The following CELF4 variants were observed in gnomAD, a reference collection of about 807,000 sequenced individuals.
CELF4 encodes the protein CUGBP Elav-like family member 4, also known as CUG-BP- and ETR-3-like factor 4.
A neutral mutation model predicts 59.9 loss-of-function variants in CELF4; 18 were observed. That is an observed-to-expected ratio of 0.30 (90% CI 0.21 to 0.45). CELF4 has a LOEUF of 0.45. Among genes scored for constraint, CELF4 ranks in the 20% least tolerant of loss-of-function variants. The pLI is 1.00. For missense variants in CELF4, 456 were observed against 689.0 expected (o/e 0.66, Z 3.79); for synonymous variants, 261 against 267.1 (o/e 0.98, Z 0.22).
intron 2 of CELF4, among the ~76,000 whole-genome samples, chr18:37,429,646 C>T (rs1409993606): frequency 2.0e-5 from 3 of 152,282 alleles, no homozygotes; most frequent in African/African-American, 7.2e-5. Context: ...CTAGCAGACA[C>T]AGGCAAGAAC....
intron 2 of CELF4, among the ~76,000 whole-genome samples, chr18:37,461,152 C>A (rs2099792370): frequency 6.6e-6 from 1 of 152,194 alleles, no homozygotes; most frequent in Non-Finnish European, 1.5e-5. Flanking sequence ...TAGTTCACCA[C>A]AGGTGTGGAG....
At chr18:37,564,303 CTG>C (rs1329820104) in intron 1 of CELF4, among the ~76,000 whole-genome samples, 6 of 152,144 alleles carry the variant, frequency 3.9e-5, no homozygotes, top group Admixed American at 2.0e-4. Flanking sequence ...AAGCGGAGCA[CTG>C]GGCTAATTTC....
At chr18:37,267,763 C>T (rs893885989) in intron 8 of CELF4, among the ~76,000 whole-genome samples, 7 of 151,970 alleles carry the variant, frequency 4.6e-5, no homozygotes, top group Non-Finnish European at 7.4e-5. Context: ...GGGCTGGGCA[C>T]GGTGGCTCAT....
intron 2 of CELF4, among the ~76,000 whole-genome samples, chr18:37,346,114 C>A (rs1483570653): frequency 6.6e-6 from 1 of 152,228 alleles, no homozygotes; most frequent in African/African-American, 2.4e-5. Context: ...GAGCAGGGAC[C>A]AGCCTGCAGC....
chr18:37,498,038 T>C (rs2099927177), intron 1 of CELF4, among the ~76,000 whole-genome samples: 1 of 152,098 alleles, frequency 6.6e-6, no homozygotes, highest in Admixed American at 6.5e-5. Context: ...AGAAGGAGGT[T>C]ACTCAACTCT....
chr18:37,529,561 G>C (rs1456261130), intron 1 of CELF4, among the ~76,000 whole-genome samples: 1 of 152,234 alleles, frequency 6.6e-6, no homozygotes, highest in Non-Finnish European at 1.5e-5. Flanking sequence ...CTGGCAGTAG[G>C]AAAGGAAGCT....
At chr18:37,503,343 G>A (rs2099933966) in intron 1 of CELF4, among the ~76,000 whole-genome samples, 1 of 152,168 alleles carries the variant, frequency 6.6e-6, no homozygotes, top group Non-Finnish European at 1.5e-5. Flanking sequence ...CAAGGTTGAG[G>A]GCAGGCTCGG....
Position 37,418,636 on chromosome 18 carries a change from G to A in CELF4, c.369+66889C>T, listed in dbSNP as rs2099548277. On this transcript the variant is annotated intron_variant, in intron 2 of 12. Transcript: ENST00000420428. ...AGTGTGACCTAGGTCAAGTCACTTG[G>A]CCTCGCTTACATTTTCCTCATTTCC... is the stretch of plus-strand genomic sequence containing the variant. 3.3e-5 allele frequency among the ~76,000 whole-genome samples: 5 copies of A among 152,346 alleles called. No homozygotes were observed. In the South Asian group the frequency reaches 1.0e-3, roughly 32 times the overall value.
At chr18:37,389,076 G>A (rs2099129754) in intron 2 of CELF4, among the ~76,000 whole-genome samples, 1 of 152,144 alleles carries the variant, frequency 6.6e-6, no homozygotes, top group Non-Finnish European at 1.5e-5. Flanking sequence ...CCTGATGGTT[G>A]GCTTAAAGTG....
intron 1 of CELF4, among the ~76,000 whole-genome samples, chr18:37,548,706 G>T (rs1412337952): frequency 1.3e-5 from 2 of 152,218 alleles, no homozygotes; most frequent in Non-Finnish European, 2.9e-5. Flanking sequence ...TAAGCAATGG[G>T]TTGAGCAGGT....
chr18:37,427,648 T>C (rs2099622468), intron 2 of CELF4, among the ~76,000 whole-genome samples: 1 of 152,168 alleles, frequency 6.6e-6, no homozygotes, highest in South Asian at 2.1e-4. Flanking sequence ...TGTGGAGACA[T>C]CACTCTCTTT....
intron 2 of CELF4, among the ~76,000 whole-genome samples, chr18:37,406,322 T>G (rs1283711159): frequency 1.3e-5 from 2 of 152,100 alleles, no homozygotes; most frequent in African/African-American, 4.8e-5. Context: ...TCAGTGGGAC[T>G]GCAGAAGAGG....
chr18:37,355,889 T>G (rs1163877688), intron 2 of CELF4, among the ~76,000 whole-genome samples: 1 of 152,140 alleles, frequency 6.6e-6, no homozygotes, highest in African/African-American at 2.4e-5. Context: ...TCAGCAGGCC[T>G]CTGCTAGGGA....
intron 3 of CELF4, among the ~76,000 whole-genome samples, chr18:37,284,028 A>AACAT (rs2094484287): frequency 3.9e-4 from 4 of 10,358 alleles, no homozygotes; most frequent in South Asian, 2.8e-3. Flanking sequence ...ACACACACCC[A>AACAT]ACACACACAC....
intron 1 of CELF4, among the ~76,000 whole-genome samples, chr18:37,556,680 C>T (rs1458724650): frequency 6.6e-6 from 1 of 152,150 alleles, no homozygotes; most frequent in African/African-American, 2.4e-5. Context: ...TGAACTCAGA[C>T]AGCCTCACTT....
chr18:37,307,835 G>A (rs1284089466), intron 3 of CELF4, among the ~76,000 whole-genome samples: 3 of 152,186 alleles, frequency 2.0e-5, no homozygotes, highest in Non-Finnish European at 2.9e-5. Context: ...CAGGGAAAGG[G>A]TTTGGAGCTG....
chr18:37,369,230 A>G (rs1387352773), intron 2 of CELF4, among the ~76,000 whole-genome samples: 1 of 152,116 alleles, frequency 6.6e-6, no homozygotes, highest in East Asian at 1.9e-4. Context: ...TCTCTCCCAG[A>G]ACACTGCAGT....
chr18:37,314,622 C>T (rs988318439), intron 3 of CELF4, among the ~76,000 whole-genome samples: 5 of 152,172 alleles, frequency 3.3e-5, no homozygotes, highest in Admixed American at 6.5e-5. Context: ...CTGAAACGTC[C>T]CAGGGGTTCT....
chr18:37,352,862 G>GAGTGGGAC (rs2098470017), intron 2 of CELF4, among the ~76,000 whole-genome samples: 1 of 151,512 alleles, frequency 6.6e-6, no homozygotes, highest in South Asian at 2.1e-4. Context: ...CCAAGGTGCA[G>GAGTGGGAC]AGTGGGACGG....
Sources: allele counts gnomAD v4.1 joint callset (sites outside exome capture counted in the v4.1 genomes callset), GRCh38; gene constraint gnomAD v4.1.1; transcripts MANE v1.5; gene names NCBI Gene and HGNC (gene_info 2026-07-23, HGNC 2026-07-21).